Variants in SUPT20H observed in about 807,000 individuals in gnomAD.
SUPT20H encodes the protein transcription factor SPT20 homolog.
In SUPT20H, 82 loss-of-function variants were observed where a neutral mutation model predicts 122.8. The observed-to-expected ratio is 0.67, with a 90% CI of 0.56 to 0.80. SUPT20H has a LOEUF of 0.80. Ranked by LOEUF, SUPT20H falls within the 30% of genes least tolerant of loss-of-function variation. SUPT20H has a pLI of 0.00. For synonymous variants in SUPT20H, 291 were observed against 313.0 expected (o/e 0.93, Z 0.74); for missense variants, 831 against 921.6 (o/e 0.90, Z 1.27).
chr13:37,048,885 CAT>C (rs1210877753), intron 2 of SUPT20H, among the ~76,000 whole-genome samples: 1 of 152,040 alleles, frequency 6.6e-6, no homozygotes, highest in African/African-American at 2.4e-5. Flanking sequence ...ATCATCACTT[CAT>C]AGACATTAAT....
At chr13:37,035,596 C>T (rs2064213836) in intron 9 of SUPT20H, among the ~76,000 whole-genome samples, 1 of 151,844 alleles carries the variant, frequency 6.6e-6, no homozygotes, top group African/African-American at 2.4e-5. Context: ...TCCAGGCTCA[C>T]TGCAACCTTC....
In SUPT20H at chr13:37,022,016, A is replaced by G. The variant is rs560341422; in HGVS notation, c.1656T>C (p.Ser552=). The G allele has an allele frequency of 3.9e-5, 61 of 1,582,182 alleles. No individual in the cohort carries two copies. In the South Asian group the frequency reaches 4.8e-4, roughly 12 times the overall value. ...AGLNFINVVG[S]VCGAQALMSG... Reference sequence around the variant, plus strand: ...GAACATCAATGCAAACTTACCAAACAGAGCCCACTACATTGATGAAGTTAA... The same window carrying G: ...GAACATCAATGCAAACTTACCAAACGGAGCCCACTACATTGATGAAGTTAA... The change falls in exon 20 of 26, where the codon TCT becomes TCC. Residue 552 remains serine, a synonymous_variant. Coordinates refer to ENST00000350612, the MANE Select transcript of SUPT20H (RefSeq NM_001014286.3). This position sits in a 1 kb window ranked among gnomAD's most constrained non-coding sequence, Gnocchi z 4.5.
chr13:37,025,761 A>G, intron 16 of SUPT20H: 1 of 257,766 alleles, frequency 3.9e-6, no homozygotes, highest in South Asian at 5.6e-5. Flanking sequence ...TTCTGATTAA[A>G]GTACTATCTA....
In SUPT20H at chr13:37,009,544, C is replaced by A; in HGVS notation, c.*128G>T. The A allele has an allele frequency of 8.8e-7, 1 of 1,136,892 alleles. No individual in the cohort carries two copies. Among genetic ancestry groups the A allele is most frequent in the Non-Finnish European group, 1.3e-6 (1 of 766,324 alleles). 70.4% of individuals were successfully genotyped at this position (1,136,892 alleles called of 1,614,324 possible). A position where few individuals can be genotyped will look rare whatever the true frequency, so the allele number is the denominator to read the frequency against. The stretch of plus-strand genomic sequence containing the variant: ...ATTTAAAAATGATAAGGTTGTGCTT[C>A]TGTATAAAGTTTGTACATCTAGCAA... On this transcript the variant is annotated 3_prime_UTR_variant, in exon 26 of 26. Coordinates refer to ENST00000350612, the MANE Select transcript of SUPT20H (RefSeq NM_001014286.3).
chr13:37,047,450 C>A (rs2066697911), intron 5 of SUPT20H, 85 bp downstream of exon 5: 3 of 1,332,594 alleles, frequency 2.3e-6, no homozygotes, highest in South Asian at 1.5e-5. Flanking sequence ...CTCACACACA[C>A]AAAAATAATA....
At chr13:37,030,399 G>C (rs1269320089) in intron 12 of SUPT20H, among the ~76,000 whole-genome samples, 2 of 152,170 alleles carry the variant, frequency 1.3e-5, no homozygotes. Flanking sequence ...ACGATCTTAA[G>C]AGTAATTTAG....
chr13:37,046,621 C>T (rs1160505877), intron 5 of SUPT20H, among the ~76,000 whole-genome samples: 1 of 152,056 alleles, frequency 6.6e-6, no homozygotes, highest in Non-Finnish European at 1.5e-5. Flanking sequence ...TTGCCAATTC[C>T]AATTTAGAAT....
At position 37,009,694 on chromosome 13, in the gene SUPT20H, G is replaced by A. The variant is rs9469; in HGVS notation, c.2318C>T (p.Thr773Met). The change falls in exon 26 of 26, where the codon ACG (threonine) becomes ATG (methionine). Residue 773 changes from threonine to methionine, a missense_variant. By Grantham distance (81) the Thr-to-Met change is moderately conservative. Transcript: ENST00000350612. Reference sequence around the variant, plus strand: ...GACTCAAAATTTTGGAGTGGTTGGCGTGCCTCTCTTCATTTTACTTTTTGA... The same window carrying A: ...GACTCAAAATTTTGGAGTGGTTGGCATGCCTCTCTTCATTTTACTTTTTGA... ...SQSKSKMKRG[T>M]PTTPKF is the part of the protein sequence containing the mutation. 0.4 allele frequency: 641,227 copies of A among 1,613,158 alleles called. 134,566 individuals carry two copies. The highest frequency in any genetic ancestry group is 0.73 in the East Asian group (32,824 of 44,856).
At chr13:37,045,547 T>C (rs1022821030) in intron 5 of SUPT20H, among the ~76,000 whole-genome samples, 174 bp from the exon 6 acceptor site, 4 of 152,210 alleles carry the variant, frequency 2.6e-5, no homozygotes, top group African/African-American at 7.2e-5. Context: ...GGGACAGCTA[T>C]GTAAACTTAA....
At chr13:37,016,006 C>T (rs1383903144) in intron 23 of SUPT20H, among the ~76,000 whole-genome samples, 3 of 152,066 alleles carry the variant, frequency 2.0e-5, no homozygotes, top group Admixed American at 1.3e-4. Flanking sequence ...GAATAGTGGC[C>T]GAGGGGAGGA....
chr13:37,015,703 A>G (rs1406767228), intron 23 of SUPT20H, among the ~76,000 whole-genome samples: 1 of 152,170 alleles, frequency 6.6e-6, no homozygotes, highest in East Asian at 1.9e-4. Flanking sequence ...AGTTGAAGAC[A>G]GGGTCTCAAA....
At chr13:37,024,609 A>C in intron 17 of SUPT20H, 167 bp from the exon 18 acceptor site, 1 of 412,470 alleles carries the variant, frequency 2.4e-6, no homozygotes, top group Non-Finnish European at 4.2e-6. Context: ...TGAATACTAT[A>C]TGTATTACAG....
chr13:37,025,685 T>C (rs2062132802), intron 16 of SUPT20H: 2 of 341,582 alleles, frequency 5.9e-6, no homozygotes, highest in Admixed American at 4.6e-5. Context: ...TTATTTCTAA[T>C]ACAGAAATTA....
chr13:37,052,210 G>T (rs1283859607), intron 1 of SUPT20H, among the ~76,000 whole-genome samples: 1 of 152,132 alleles, frequency 6.6e-6, no homozygotes, highest in Non-Finnish European at 1.5e-5. Context: ...CCAAAAAAGA[G>T]CCTGTATAGC....
chr13:37,029,675 C>G (rs1594173242), intron 13 of SUPT20H, 90 bp downstream of exon 13: 2 of 1,100,880 alleles, frequency 1.8e-6, no homozygotes, highest in South Asian at 1.5e-5. Flanking sequence ...AGGTCCCAAA[C>G]TAATGGCAAT....
At chr13:37,054,067 GGAA>G (rs1182992628) in intron 1 of SUPT20H, among the ~76,000 whole-genome samples, 8 of 152,152 alleles carry the variant, frequency 5.3e-5, no homozygotes, top group African/African-American at 1.9e-4. Context: ...GACTAAACCA[GGAA>G]GAAGTTGAAT....
intron 23 of SUPT20H, among the ~76,000 whole-genome samples, chr13:37,014,879 G>GAC (rs1441207044): frequency 6.6e-6 from 1 of 152,098 alleles, no homozygotes; most frequent in East Asian, 1.9e-4. Flanking sequence ...AATCAATTCT[G>GAC]ACACACACAC....
At chr13:37,009,884 G>C in intron 25 of SUPT20H, 75 bp from the exon 26 acceptor site, 1 of 1,531,430 alleles carries the variant, frequency 6.5e-7, no homozygotes, top group East Asian at 2.3e-5. Flanking sequence ...CCTGAGTGAC[G>C]AAACAACACA....
Position 37,033,444 on chromosome 13 carries a change from AT to A in SUPT20H, c.707+4del. ...TTTGGTTCACCCTTCCACAAAGGCAATTACCGTTTCATTGGGCGAGTGTTCA... is the reference window on the plus strand; with the variant it reads ...TTTGGTTCACCCTTCCACAAAGGCAATACCGTTTCATTGGGCGAGTGTTCA... On this transcript the variant is annotated splice_donor_region_variant and intron_variant, in intron 10 of 25. Coordinates refer to ENST00000350612, the MANE Select transcript of SUPT20H (RefSeq NM_001014286.3). 9 of 1,608,964 alleles carry A rather than the reference AT, an allele frequency of 5.6e-6. No homozygotes were observed. Among genetic ancestry groups the A allele is most frequent in the Non-Finnish European group, 7.6e-6 (9 of 1,177,820 alleles).
Sources: gnomAD v4.1 joint callset for allele counts (sites outside exome capture counted in the v4.1 genomes callset) on GRCh38, gnomAD v4.1.1 for gene constraint, Gnocchi (gnomAD v3.1) non-coding constraint, MANE v1.5 for transcripts, NCBI Gene and HGNC (gene_info 2026-07-23, HGNC 2026-07-21) for gene names.